The following TCHH variants were observed in gnomAD, a reference collection of about 807,000 sequenced individuals.
TCHH encodes trichohyalin.
A neutral mutation model predicts 6.3 loss-of-function variants in TCHH; 6 were observed. That is an observed-to-expected ratio of 0.95 (90% confidence interval 0.52 to 1.88). The LOEUF (loss-of-function observed/expected upper bound fraction) is 1.88. Among genes scored for constraint, TCHH ranks in the 40% most tolerant of loss-of-function variants. The pLI, the probability that TCHH is intolerant of heterozygous loss-of-function variation, is 0.01. For synonymous variants in TCHH, 1,087 were observed against 963.6 expected (o/e 1.13, Z -2.37); for missense variants, 2,920 against 2,449.1 (o/e 1.19, Z -4.06).
In TCHH at chr1:152,108,725, C is replaced by T. The variant is rs202222878; in HGVS notation, c.4492G>A (p.Glu1498Lys). 1.5e-4 allele frequency: 247 copies of T among 1,613,122 alleles called. No homozygotes were observed. The highest frequency in any genetic ancestry group is 2.0e-4 in the Non-Finnish European group (238 of 1,179,792). Reference sequence around the variant, plus strand: ...TGTTCGCGGAATTTTCTGTCACGCTCTTGGCGGCGCAGCTGTTGTTCCTCC... The same window carrying T: ...TGTTCGCGGAATTTTCTGTCACGCTTTTGGCGGCGCAGCTGTTGTTCCTCC... ...LEEEQQLRRQ[E>K]RDRKFREQEL... The change falls in exon 3 of 3, where the codon GAG (glutamate) becomes AAG (lysine). Residue 1498 changes from glutamate (E) to lysine (K), a missense_variant. Coordinates refer to ENST00000614923, the MANE Select transcript of TCHH (RefSeq NM_007113.4).
Position 152,109,431 on chromosome 1 carries a change from T to C in TCHH, c.3786A>G (p.Gln1262=), listed in dbSNP as rs200662790. The C allele has an allele frequency of 8.7e-5, 141 of 1,613,508 alleles. No homozygotes were observed. Among genetic ancestry groups the C allele is most frequent in the Admixed American group, 6.3e-4 (38 of 59,994 alleles). ...QLEDSQLRDR[Q]SQQDLQHLLG... ...GCAGGTGCTGCAGATCTTGCTGGGA[T>C]TGTCTGTCGCGCAGCTGGGAATCTT... The change falls in exon 3 of 3, where the codon CAA becomes CAG. Residue 1262 remains glutamine, a synonymous_variant. Transcript: ENST00000614923.
chr1:152,107,262 G>A lies in TCHH; in HGVS notation c.*123C>T. 6 of 1,038,618 alleles carry A rather than the reference G, an allele frequency of 5.8e-6. No homozygotes were observed. The highest frequency in any genetic ancestry group is 8.3e-6 in the Non-Finnish European group (6 of 725,966). 64.3% of individuals were successfully genotyped at this position (1,038,618 alleles called of 1,614,324 possible). The stretch of plus-strand genomic sequence containing the variant: ...CGTAGTTTAAGATTTTGGAAGAAAA[G>A]ACATTCTAATATCAGAGAGTTTTCC... On this transcript the variant is annotated 3_prime_UTR_variant, in exon 3 of 3. Coordinates refer to ENST00000614923, the MANE Select transcript of TCHH (RefSeq NM_007113.4).
At position 152,110,313 on chromosome 1, in the gene TCHH, C is replaced by T. The variant is rs367837898; in HGVS notation, c.2904G>A (p.Gln968=). The T allele has an allele frequency of 1.5e-4, 245 of 1,610,986 alleles. No homozygotes were observed. The highest frequency in any genetic ancestry group is 2.0e-4 in the Non-Finnish European group (235 of 1,178,750). ...CCTCTCCCAGCAGCTGCTCTTCCTT[C>T]TGCTGCAGCTTCTTATCCTTCCGAT... ...RQYRKDKKLQ[Q]KEEQLLGEEP... is the part of the protein sequence containing the mutation. Residue 968 remains glutamine, a synonymous_variant, in exon 3 of 3, where the codon CAG becomes CAA. Coordinates refer to ENST00000614923, the MANE Select transcript of TCHH (RefSeq NM_007113.4).
rs750682194 is a variant in TCHH at position 152,111,497 on chromosome 1, TCTC to T, written c.1717_1719del (p.Glu573del). On this transcript the variant is annotated inframe_deletion, in exon 3 of 3. Transcript: ENST00000614923. ...TCGCGCTTCAGCAGCTGATCGCGCC[TCTC>T]CTCCTGCTCGCGCTTCAGCCGCTGC... 75 of 1,565,832 alleles carry T rather than the reference TCTC, an allele frequency of 4.8e-5. No individual in the cohort carries two copies. In the Middle Eastern group the frequency reaches 5.2e-4, roughly 11 times the overall value.
rs1294362127 is a variant in TCHH at position 152,107,272 on chromosome 1, TATC to T, written c.*110_*112del. On this transcript the variant is annotated 3_prime_UTR_variant, in exon 3 of 3. Transcript: ENST00000614923. ...GATTTTGGAAGAAAAGACATTCTAA[TATC>T]AGAGAGTTTTCCCACAACCAGAAAC... 9.0e-7 allele frequency: 1 copy of T among 1,107,898 alleles called. No individual in the cohort carries two copies. The highest frequency in any genetic ancestry group is 1.6e-5 in the African/African-American group (1 of 64,084). The allele number at this position is 1,107,898 out of a possible 1,614,324, so 68.6% of individuals were successfully genotyped here. A position where few individuals can be genotyped will look rare whatever the true frequency, so the allele number is the denominator to read the frequency against.
Position 152,111,302 on chromosome 1 carries a change from GCTC to G in TCHH, c.1912_1914del (p.Glu638del), listed in dbSNP as rs1210142264. 5 of 1,586,354 alleles carry G rather than the reference GCTC, an allele frequency of 3.2e-6. No homozygotes were observed. In the African/African-American group the frequency reaches 7.2e-5, roughly 23 times the overall value. On this transcript the variant is annotated inframe_deletion, in exon 3 of 3. Transcript: ENST00000614923. ...AGTTGCTGCTGGCGCCTCTCCTCCTGCTCCTCGCTCTTCAGCAGCTGCTGGCGC... is the reference window on the plus strand; with the variant it reads ...AGTTGCTGCTGGCGCCTCTCCTCCTGCTCGCTCTTCAGCAGCTGCTGGCGC...
Position 152,109,347 on chromosome 1 carries a change from G to A in TCHH, c.3870C>T (p.Asp1290=), listed in dbSNP as rs374555062. 2.5e-5 allele frequency: 41 copies of A among 1,614,062 alleles called. No individual in the cohort carries two copies. The highest frequency in any genetic ancestry group is 8.8e-5 in the South Asian group (8 of 91,088). ...EQERRRWQQR[D]RHFPEEEQLE... ...GCTGTTCTTCCTCTGGGAAATGCCTGTCGCGCTGCTGCCAGCGCCTCCTCT... is the reference window on the plus strand; with the variant it reads ...GCTGTTCTTCCTCTGGGAAATGCCTATCGCGCTGCTGCCAGCGCCTCCTCT... Residue 1290 remains aspartate, a synonymous_variant, in exon 3 of 3, where the codon GAC becomes GAT. Transcript: ENST00000614923.
intron 1 of TCHH, among the ~76,000 whole-genome samples, chr1:152,114,367 A>G (rs750758023): frequency 9.9e-5 from 15 of 152,222 alleles, no homozygotes; most frequent in African/African-American, 1.7e-4. Context: ...TGGATTATCT[A>G]TGCCCTTTTC....
chr1:152,108,451 C>T lies in TCHH; in HGVS notation c.4766G>A (p.Arg1589His). Residue 1589 changes from arginine (R) to histidine (H), a missense_variant, in exon 3 of 3, where the codon CGC becomes CAC. Physicochemically the swap from Arg to His is conservative, Grantham distance 29. Coordinates refer to ENST00000614923, the MANE Select transcript of TCHH (RefSeq NM_007113.4). ...GAATTTTCTCTCTTGTTCCTGGCGG[C>T]GCACTTTCTGTTCCTCTAAACGGAA... The part of the protein sequence containing the change: ...RKFRLEEQKV[R>H]RQEQERKFME... 5.0e-6 allele frequency: 8 copies of T among 1,612,298 alleles called. No homozygotes were observed. Among genetic ancestry groups the T allele is most frequent in the African/African-American group, 1.3e-5 (1 of 74,314 alleles).
rs373841793 is a variant in TCHH at position 152,107,884 on chromosome 1, T to C, written c.5333A>G (p.Gln1778Arg). ...ERDRKFREEEQLRQEREEQQL... is the reference protein window; with the variant it reads ...ERDRKFREEERLRQEREEQQL... ...CTGTTCCTCCCTCTCCTGGCGGAGCTGTTCCTCCTCGCGGAATTTTCTGTC... is the reference window on the plus strand; with the variant it reads ...CTGTTCCTCCCTCTCCTGGCGGAGCCGTTCCTCCTCGCGGAATTTTCTGTC... The change falls in exon 3 of 3, where the codon CAG (glutamine) becomes CGG (arginine). Residue 1778 changes from glutamine to arginine, a missense_variant. Coordinates refer to ENST00000614923, the MANE Select transcript of TCHH (RefSeq NM_007113.4). The C allele has an allele frequency of 1.1e-5, 17 of 1,614,024 alleles. No homozygotes were observed. In the African/African-American group the frequency reaches 1.9e-4, roughly 18 times the overall value.
Position 152,111,530 on chromosome 1 carries a change from G to T in TCHH, c.1687C>A (p.Arg563=). 1 of 1,588,628 alleles carries T rather than the reference G, an allele frequency of 6.3e-7. No homozygotes were observed. The highest frequency in any genetic ancestry group is 8.6e-7 in the Non-Finnish European group (1 of 1,164,216). ...EEEKRLEQER[R]EQRLKREQEE... Reference sequence around the variant, plus strand: ...TGCTCGCGCTTCAGCCGCTGCTCTCGCCTCTCCTGCTCGAGCCTCTTCTCC... The same window carrying T: ...TGCTCGCGCTTCAGCCGCTGCTCTCTCCTCTCCTGCTCGAGCCTCTTCTCC... The change falls in exon 3 of 3, where the codon CGA becomes AGA. Residue 563 remains arginine, a synonymous_variant. Coordinates refer to ENST00000614923, the MANE Select transcript of TCHH (RefSeq NM_007113.4).
rs761222663 is a variant in TCHH, at chr1:152,107,894, C to T, written c.5323G>A (p.Glu1775Lys). Residue 1775 changes from glutamate (E) to lysine (K), a missense_variant, in exon 3 of 3, where the codon GAG (glutamate) becomes AAG (lysine). By Grantham distance (56) the Glu-to-Lys change is moderately conservative. Coordinates refer to ENST00000614923, the MANE Select transcript of TCHH (RefSeq NM_007113.4). ...RRQERDRKFR[E>K]EEQLRQEREE... ...CTCTCCTGGCGGAGCTGTTCCTCCT[C>T]GCGGAATTTTCTGTCGCGCTCCTGG... The T allele has an allele frequency of 6.2e-7, 1 of 1,613,710 alleles. No individual in the cohort carries two copies. The highest frequency in any genetic ancestry group is 8.5e-7 in the Non-Finnish European group (1 of 1,179,936).
At position 152,111,168 on chromosome 1, in the gene TCHH, C is replaced by CTGCTCGCGCCTCTCTTCCTCA. The variant is rs1658328092; in HGVS notation, c.2028_2048dup (p.His676_Glu682dup). On this transcript the variant is annotated inframe_insertion, in exon 3 of 3. Transcript: ENST00000614923. ...GTTCCTGCTCCTCCTCAGCTAGCTC[C>CTGCTCGCGCCTCTCTTCCTCA]TGCTCGCGCCTCTCTTCCTCATGCT... is the stretch of plus-strand genomic sequence containing the variant. 3 of 1,613,730 alleles carry CTGCTCGCGCCTCTCTTCCTCA rather than the reference C, an allele frequency of 1.9e-6. No individual in the cohort carries two copies. In the African/African-American group the frequency reaches 4.0e-5, roughly 22 times the overall value.
chr1:152,112,773 T>C lies in TCHH; in HGVS notation c.444A>G (p.Leu148=). ...RQKRQEQERE[L]AEGEEQSEKQ... ...TCTCACTTTGCTCCTCTCCCTCAGC[T>C]AGCTCCCTCTCCTGTTCCTGCCTCT... is the stretch of plus-strand genomic sequence containing the variant. The change falls in exon 3 of 3, where the codon CTA becomes CTG. Residue 148 remains leucine, a synonymous_variant. Transcript: ENST00000614923. The C allele has an allele frequency of 6.2e-7, 1 of 1,614,048 alleles. No individual in the cohort carries two copies. The highest frequency in any genetic ancestry group is 8.5e-7 in the Non-Finnish European group (1 of 1,180,020).
At position 152,108,375 on chromosome 1, in the gene TCHH, G is replaced by T; in HGVS notation, c.4842C>A (p.Arg1614=). 3 of 1,607,732 alleles carry T rather than the reference G, an allele frequency of 1.9e-6. No individual in the cohort carries two copies. The highest frequency in any genetic ancestry group is 1.7e-4 in the Middle Eastern group (1 of 6,002). ...CGCGGAATTTTCTGTCGCGCTCCTG[G>T]CGCAGCTGTTGTTGGCCCTCCTGGC... The part of the protein sequence containing the change: ...LRRQEGQQQL[R]QERDRKFRED... Residue 1614 remains arginine, a synonymous_variant, in exon 3 of 3, where the codon CGC becomes CGA. Coordinates refer to ENST00000614923, the MANE Select transcript of TCHH (RefSeq NM_007113.4).
In TCHH at chr1:152,108,803, C is replaced by T. The variant is rs1356467516; in HGVS notation, c.4414G>A (p.Glu1472Lys). The T allele has an allele frequency of 8.1e-6, 13 of 1,610,070 alleles. No homozygotes were observed. The highest frequency in any genetic ancestry group is 1.1e-5 in the South Asian group (1 of 90,880). The change falls in exon 3 of 3, where the codon GAA (glutamate) becomes AAA (lysine). Residue 1472 changes from glutamate (E) to lysine (K), a missense_variant. Transcript: ENST00000614923. ...KFREEEQLLQ[E>K]REEQQLHRQE... Reference sequence around the variant, plus strand: ...CGGTGCAGCTGCTGTTCTTCCCTTTCCTGGAGCAGCTGTTCCTCTTCGCGG... The same window carrying T: ...CGGTGCAGCTGCTGTTCTTCCCTTTTCTGGAGCAGCTGTTCCTCTTCGCGG...
intron 1 of TCHH, among the ~76,000 whole-genome samples, chr1:152,115,044 G>A (rs1030123219): frequency 7.9e-5 from 12 of 152,196 alleles, no homozygotes; most frequent in African/African-American, 2.7e-4. Flanking sequence ...TGCTGTGACT[G>A]TATGAAGATG....
In TCHH at chr1:152,108,559, C is replaced by T. The variant is rs769147628; in HGVS notation, c.4658G>A (p.Arg1553His). The stretch of plus-strand genomic sequence containing the variant: ...TTCCTCCTCGCGGAATTTTCTGTCA[C>T]GGTCCTGACGCCGCTGTTGCCCGCG... ...QERGQQRRQD[R>H]DRKFREEEQL... is the part of the protein sequence containing the mutation. The change falls in exon 3 of 3, where the codon CGT becomes CAT. Residue 1553 changes from arginine to histidine, a missense_variant. Coordinates refer to ENST00000614923, the MANE Select transcript of TCHH (RefSeq NM_007113.4). The T allele has an allele frequency of 6.2e-6, 10 of 1,603,522 alleles. No individual in the cohort carries two copies. In the Admixed American group the frequency reaches 1.4e-4, roughly 22 times the overall value.
Position 152,108,965 on chromosome 1 carries a change from C to A in TCHH, c.4252G>T (p.Glu1418Ter). ...LRQDRDRKFREEEQQLSRQER... is the reference protein window; with the variant it reads ...LRQDRDRKFR ...TGGCGGCTCAGCTGCTGTTCCTCCT[C>A]GCGGAATTTTCTGTCGCGGTCCTGA... The change falls in exon 3 of 3, where the codon GAG (glutamate) becomes TAG (stop). Residue 1418 changes from glutamate to a stop codon, truncating the protein, a stop_gained. Transcript: ENST00000614923. LOFTEE classifies it low-confidence loss of function (END_TRUNC). 1 of 1,612,302 alleles carries A rather than the reference C, an allele frequency of 6.2e-7. No individual in the cohort carries two copies. The highest frequency in any genetic ancestry group is 8.5e-7 in the Non-Finnish European group (1 of 1,179,604).
Sources: allele counts gnomAD v4.1 joint callset (sites outside exome capture counted in the v4.1 genomes callset), GRCh38; gene constraint gnomAD v4.1.1; transcripts MANE v1.5; gene names NCBI Gene and HGNC (gene_info 2026-07-23, HGNC 2026-07-21).